Variants in UGT1A6 observed in about 807,000 individuals in gnomAD.
The protein encoded by UGT1A6 is UDP glucuronosyltransferase family 1 member A6, also known as UDP-glucuronosyltransferase 1A6.
In UGT1A6, 32 loss-of-function variants were observed where a neutral mutation model predicts 44.4. The observed-to-expected ratio is 0.72, with a 90% CI of 0.54 to 0.97. The LOEUF (loss-of-function observed/expected upper bound fraction) is 0.97, where lower values mean the gene tolerates loss of function less well. Ranked by LOEUF, UGT1A6 falls within the 50% of genes least tolerant of loss-of-function variation. The probability of loss-of-function intolerance (pLI) is 0.00; values close to 1 mark genes in which losing one functional copy is unlikely to be tolerated. For synonymous variants in UGT1A6, 238 were observed against 248.5 expected (o/e 0.96, Z 0.40); for missense variants, 685 against 661.9 (o/e 1.03, Z -0.38).
At chr2:233,762,454 C>T (rs1698080898) in intron 1 of UGT1A6, among the ~76,000 whole-genome samples, 1 of 152,194 alleles carries the variant, frequency 6.6e-6, no homozygotes, top group African/African-American at 2.4e-5. Context: ...TGCCCACTTA[C>T]CGATAATGTC....
At chr2:233,767,657 C>T (rs1486356449) in intron 2 of UGT1A6, among the ~76,000 whole-genome samples, 192 bp from the exon 3 acceptor site, 2 of 152,174 alleles carry the variant, frequency 1.3e-5, no homozygotes, top group Non-Finnish European at 2.9e-5. Flanking sequence ...AGTGCATACA[C>T]CCTTGTAACT....
chr2:233,747,362 G>A, intron 1 of UGT1A6: 1 of 1,603,780 alleles, frequency 6.2e-7, no homozygotes, highest in Non-Finnish European at 8.5e-7. Flanking sequence ...CCGTGCGGGA[G>A]CTCCATGCCA....
At chr2:233,727,451 G>A (rs2077618164) in intron 1 of UGT1A6, among the ~76,000 whole-genome samples, 1 of 152,150 alleles carries the variant, frequency 6.6e-6, no homozygotes, top group African/African-American at 2.4e-5. Flanking sequence ...GAAATCAGAT[G>A]ACTTCACTGT....
At chr2:233,744,136 G>C (rs1692703742) in intron 1 of UGT1A6, 1 of 352,210 alleles carries the variant, frequency 2.8e-6, no homozygotes, top group East Asian at 7.7e-5. Flanking sequence ...GTGAGGCCCT[G>C]TGATGCTCCA....
chr2:233,699,590 C>A (rs2075514106), intron 1 of UGT1A6, among the ~76,000 whole-genome samples: 1 of 152,192 alleles, frequency 6.6e-6, no homozygotes, highest in Admixed American at 6.5e-5. Flanking sequence ...ATCCTTTCTT[C>A]CCAGCCTGGT....
intron 1 of UGT1A6, among the ~76,000 whole-genome samples, chr2:233,724,870 T>C (rs1288208202): frequency 1.6e-5 from 2 of 128,160 alleles, no homozygotes; most frequent in African/African-American, 6.8e-5. Context: ...TAGGTTGTAG[T>C]GAGCGGAGAT....
intron 1 of UGT1A6, among the ~76,000 whole-genome samples, chr2:233,758,061 G>A (rs554813737): frequency 6.6e-6 from 1 of 152,232 alleles, no homozygotes; most frequent in Non-Finnish European, 1.5e-5. Context: ...TTTCTAACTT[G>A]ACTTTCTGGG....
intron 1 of UGT1A6, among the ~76,000 whole-genome samples, chr2:233,695,942 C>T (rs1440618319): frequency 6.6e-6 from 1 of 152,024 alleles, no homozygotes; most frequent in Non-Finnish European, 1.5e-5. Flanking sequence ...GCAATTCTGC[C>T]AGATACCAGC....
chr2:233,771,572 T>G (rs1700331696), intron 4 of UGT1A6: 1 of 152,318 alleles, frequency 6.6e-6, no homozygotes, highest in Admixed American at 6.5e-5. Context: ...CAGAGGTGGT[T>G]GTTTACAACT....
At chr2:233,767,764 C>A (rs1699474752) in intron 2 of UGT1A6, 85 bp from the exon 3 acceptor site, 1 of 1,608,290 alleles carries the variant, frequency 6.2e-7, no homozygotes, top group East Asian at 2.2e-5. Flanking sequence ...TTCAGAGGAC[C>A]CCTGTTTTCT....
intron 1 of UGT1A6, among the ~76,000 whole-genome samples, chr2:233,737,298 C>T (rs370830407): frequency 3.9e-5 from 6 of 152,366 alleles, no homozygotes; most frequent in South Asian, 4.1e-4. Context: ...TGCCGCCTCA[C>T]AGTTCAATCT....
chr2:233,751,650 C>G (rs1180947781), intron 1 of UGT1A6, among the ~76,000 whole-genome samples: 1 of 152,190 alleles, frequency 6.6e-6, no homozygotes, highest in African/African-American at 2.4e-5. Context: ...TTGCTGTTCT[C>G]ATCCTACTGA....
chr2:233,693,268 G>A lies in UGT1A6; in HGVS notation c.264G>A (p.Lys88=). The A allele has an allele frequency of 6.2e-7, 1 of 1,614,110 alleles. No individual in the cohort carries two copies. Among genetic ancestry groups the A allele is most frequent in the Non-Finnish European group, 8.5e-7 (1 of 1,180,014 alleles). The change falls in exon 1 of 5, where the codon AAG becomes AAA. Residue 88 remains lysine, a synonymous_variant. Coordinates refer to ENST00000305139, the MANE Select transcript of UGT1A6 (RefSeq NM_001072.4). The part of the protein sequence containing the change: ...YPVPYDQEEL[K]NRYQSFGNNH... ...TGCCGTATGACCAAGAAGAGCTGAA[G>A]AACCGTTACCAATCATTTGGAAACA...
rs184398589 is a variant in UGT1A6, at chr2:233,712,244, G to C, written c.861+18379G>C. On this transcript the variant is annotated intron_variant, in intron 1 of 4. Coordinates refer to ENST00000305139, the MANE Select transcript of UGT1A6 (RefSeq NM_001072.4). ...TGAACCCACCATGGGTCTTTGCTAGGGTTGTCTTGCACATGTGTGCTTTAG... is the reference window on the plus strand; with the variant it reads ...TGAACCCACCATGGGTCTTTGCTAGCGTTGTCTTGCACATGTGTGCTTTAG... Among the ~76,000 whole-genome samples the C allele has an allele frequency of 7.5e-4, 114 of 152,296 alleles. 1 individual carries two copies. Among genetic ancestry groups the C allele is most frequent in the Non-Finnish European group, 1.1e-3 (75 of 68,026 alleles).
intron 1 of UGT1A6, among the ~76,000 whole-genome samples, chr2:233,724,763 C>T (rs1463546601): frequency 2.8e-5 from 4 of 143,224 alleles, no homozygotes; most frequent in African/African-American, 8.0e-5. Context: ...GATGGGCGGC[C>T]AGGCAGAGAC....
intron 1 of UGT1A6, among the ~76,000 whole-genome samples, chr2:233,766,036 G>T (rs1393520685): frequency 6.6e-6 from 1 of 152,138 alleles, no homozygotes; most frequent in Non-Finnish European, 1.5e-5. Context: ...GCCCTCTATA[G>T]TCAGCTTGTG....
chr2:233,745,134 A>C (rs1693022664), intron 1 of UGT1A6, among the ~76,000 whole-genome samples: 1 of 151,864 alleles, frequency 6.6e-6, no homozygotes, highest in Admixed American at 6.5e-5. Context: ...TGCAGATGTG[A>C]AGCCCAAGTA....
chr2:233,757,160 CAG>C (rs980635310), intron 1 of UGT1A6, among the ~76,000 whole-genome samples: 33 of 151,262 alleles, frequency 2.2e-4, no homozygotes, highest in African/African-American at 7.8e-4. Context: ...GGGTCTATCC[CAG>C]AGTTTTGAGA....
chr2:233,762,332 G>A (rs1219389656), intron 1 of UGT1A6, among the ~76,000 whole-genome samples: 1 of 152,156 alleles, frequency 6.6e-6, no homozygotes, highest in Non-Finnish European at 1.5e-5. Flanking sequence ...ATCCACAATA[G>A]CTCTTTTTAG....
Sources: gnomAD v4.1 joint callset for allele counts (sites outside exome capture counted in the v4.1 genomes callset) on GRCh38, gnomAD v4.1.1 for gene constraint, MANE v1.5 for transcripts, NCBI Gene and HGNC (gene_info 2026-07-23, HGNC 2026-07-21) for gene names.